CASTOR2: variants seen among roughly 807,000 people sequenced by gnomAD.
CASTOR2 encodes the protein cytosolic arginine sensor for mTORC1 subunit 2, also known as GATS protein like 2.
CASTOR2 carries 8 observed loss-of-function variants against 31.2 expected under a neutral mutation model. The observed-to-expected ratio is 0.26, with a 90% confidence interval of 0.15 to 0.46. CASTOR2 has a LOEUF of 0.46. Among genes scored for constraint, CASTOR2 ranks in the 20% least tolerant of loss-of-function variants. The pLI is 0.99. For missense variants in CASTOR2, 216 were observed against 382.1 expected (o/e 0.57, Z 3.62); for synonymous variants, 162 against 158.7 (o/e 1.02, Z -0.16).
intron 2 of CASTOR2, among the ~76,000 whole-genome samples, chr7:75,011,227 G>A (rs1248863329): frequency 2.7e-5 from 4 of 150,668 alleles, no homozygotes; most frequent in African/African-American, 7.3e-5. Flanking sequence ...TCAGGAGTTC[G>A]AGACAAGCCT....
chr7:75,011,339 GAA>G (rs1804738406), intron 2 of CASTOR2, among the ~76,000 whole-genome samples: 1 of 149,396 alleles, frequency 6.7e-6, no homozygotes, highest in Non-Finnish European at 1.5e-5. Context: ...TGAGGAAGGA[GAA>G]TCACCTGAAC....
At position 75,029,340 on chromosome 7, in the gene CASTOR2, C is replaced by G. The variant is rs1456415354; in HGVS notation, c.*4641C>G. Among the ~76,000 whole-genome samples the G allele has an allele frequency of 6.6e-6, 1 of 151,560 alleles. No homozygotes were observed. Among genetic ancestry groups the G allele is most frequent in the Non-Finnish European group, 1.5e-5 (1 of 67,944 alleles). ...AGAGGGGGCTTTAGGGCAAGAGCACCTCAGCCCTGCAATGGGGGGATCTTT... is the reference window on the plus strand; with the variant it reads ...AGAGGGGGCTTTAGGGCAAGAGCACGTCAGCCCTGCAATGGGGGGATCTTT... On this transcript the variant is annotated 3_prime_UTR_variant, in exon 9 of 9. Coordinates refer to ENST00000616305, the MANE Select transcript of CASTOR2 (RefSeq NM_001145064.3).
intron 1 of CASTOR2, among the ~76,000 whole-genome samples, chr7:74,976,531 T>TCTCCTCCTC (rs369879917): frequency 4.6e-4 from 55 of 118,898 alleles, no homozygotes; most frequent in Middle Eastern, 4.3e-3. Context: ...TGAGACCCTG[T>TCTCCTCCTC]CTCCTCCTCC....
At chr7:74,987,762 G>A (rs1804106130) in intron 1 of CASTOR2, among the ~76,000 whole-genome samples, 1 of 151,854 alleles carries the variant, frequency 6.6e-6, no homozygotes, top group South Asian at 2.1e-4. Flanking sequence ...AGGCTGGAGT[G>A]CAGTGGCGTG....
chr7:74,986,452 T>C (rs1377943570), intron 1 of CASTOR2, among the ~76,000 whole-genome samples: 1 of 145,258 alleles, frequency 6.9e-6, no homozygotes, highest in East Asian at 2.0e-4. Context: ...ATCGTGCCAC[T>C]GCACTCCAGC....
At chr7:74,973,819 G>C (rs1485240904) in intron 1 of CASTOR2, among the ~76,000 whole-genome samples, 1 of 1,438 alleles carries the variant, frequency 7.0e-4, no homozygotes, top group Non-Finnish European at 1.5e-3. Flanking sequence ...CTGCAAGCCA[G>C]TAAGGCTTCC....
chr7:74,992,824 G>C (rs1214388056), intron 1 of CASTOR2, among the ~76,000 whole-genome samples: 3 of 148,106 alleles, frequency 2.0e-5, no homozygotes, highest in African/African-American at 7.4e-5. Context: ...GATTGCTTGA[G>C]CCCAGGAGTG....
intron 1 of CASTOR2, among the ~76,000 whole-genome samples, chr7:74,993,662 GCTGGTCTCGAACTC>G (rs1462272514): frequency 1.3e-5 from 2 of 151,558 alleles, no homozygotes; most frequent in African/African-American, 4.8e-5. Flanking sequence ...TGTTGCCCAG[GCTGGTCTCGAACTC>G]CTGGTCTCAA....
Position 75,031,005 on chromosome 7 carries a change from G to A in CASTOR2, c.*6306G>A, listed in dbSNP as rs994171925. Among the ~76,000 whole-genome samples, 3 of 152,248 alleles carry A rather than the reference G, an allele frequency of 2.0e-5. No homozygotes were observed. Among genetic ancestry groups the A allele is most frequent in the Non-Finnish European group, 4.4e-5 (3 of 68,046 alleles). On this transcript the variant is annotated 3_prime_UTR_variant, in exon 9 of 9. Coordinates refer to ENST00000616305, the MANE Select transcript of CASTOR2 (RefSeq NM_001145064.3). ...ACAGCAGGCCAAGTTCAGGTCCCAA[G>A]ACAGGCCAAGGCCAGTGCGGTTTCC...
intron 7 of CASTOR2, among the ~76,000 whole-genome samples, chr7:75,023,952 G>A (rs902755855): frequency 6.6e-6 from 1 of 152,284 alleles, no homozygotes; most frequent in Non-Finnish European, 1.5e-5. Flanking sequence ...ACCAGAGAAG[G>A]CTCCTGGTTG....
intron 7 of CASTOR2, among the ~76,000 whole-genome samples, chr7:75,024,174 C>T (rs1563065684): frequency 6.6e-6 from 1 of 152,138 alleles, no homozygotes; most frequent in Non-Finnish European, 1.5e-5. Context: ...CCTATAATCC[C>T]AGCTATTTGG....
chr7:75,012,625 ATTTTTTG>A (rs1158423352), intron 2 of CASTOR2, among the ~76,000 whole-genome samples: 7 of 137,140 alleles, frequency 5.1e-5, no homozygotes, highest in Non-Finnish European at 9.5e-5. Context: ...AGTTTTTGGG[ATTTTTTG>A]TTTTTTGTTT....
chr7:74,989,429 G>A (rs1426853855), intron 1 of CASTOR2, among the ~76,000 whole-genome samples: 3 of 148,372 alleles, frequency 2.0e-5, no homozygotes, highest in African/African-American at 7.5e-5. Flanking sequence ...GGTAATTTTT[G>A]TTTTGTTTTT....
rs988072601 is a variant in CASTOR2, at chr7:75,031,328, C to A, written c.*6629C>A. Among the ~76,000 whole-genome samples, 1 of 152,120 alleles carries A rather than the reference C, an allele frequency of 6.6e-6. No individual in the cohort carries two copies. The highest frequency in any genetic ancestry group is 2.4e-5 in the African/African-American group (1 of 41,418). ...CAGCAGCAGCGGCGTTCCATCGCTC[C>A]CAAGATCTGGGTGAAGGGGAGAACC... On this transcript the variant is annotated 3_prime_UTR_variant, in exon 9 of 9. Coordinates refer to ENST00000616305, the MANE Select transcript of CASTOR2 (RefSeq NM_001145064.3).
In CASTOR2 at chr7:75,029,033, G is replaced by C. The variant is rs1333781546; in HGVS notation, c.*4334G>C. 6.6e-6 allele frequency among the ~76,000 whole-genome samples: 1 copy of C among 152,266 alleles called. No homozygotes were observed. The highest frequency in any genetic ancestry group is 1.5e-5 in the Non-Finnish European group (1 of 68,052). Reference sequence around the variant, plus strand: ...CCAGGGTGACATTTGTTCAGCAGGAGGAGGCTTGGTCTGGAGGGGCTTGCC... The same window carrying C: ...CCAGGGTGACATTTGTTCAGCAGGACGAGGCTTGGTCTGGAGGGGCTTGCC... On this transcript the variant is annotated 3_prime_UTR_variant, in exon 9 of 9. Transcript: ENST00000616305.
chr7:75,023,725 C>A (rs1408443922), intron 7 of CASTOR2, among the ~76,000 whole-genome samples: 1 of 152,066 alleles, frequency 6.6e-6, no homozygotes, highest in Non-Finnish European at 1.5e-5. Flanking sequence ...CAGGCGTGAG[C>A]CACCACTCCC....
At chr7:74,984,470 A>G (rs1347731385) in intron 1 of CASTOR2, among the ~76,000 whole-genome samples, 1 of 152,122 alleles carries the variant, frequency 6.6e-6, no homozygotes, top group Non-Finnish European at 1.5e-5. Context: ...CCTGCCAACC[A>G]TGGTTGCCTG....
chr7:74,982,438 C>T (rs1267059722), intron 1 of CASTOR2, among the ~76,000 whole-genome samples: 9 of 151,818 alleles, frequency 5.9e-5, no homozygotes, highest in African/African-American at 2.2e-4. Context: ...GGTGAATTTC[C>T]TGGGTGACTC....
At chr7:75,008,632 G>C (rs1423790464) in intron 2 of CASTOR2, among the ~76,000 whole-genome samples, 1 of 152,146 alleles carries the variant, frequency 6.6e-6, no homozygotes, top group Non-Finnish European at 1.5e-5. Flanking sequence ...GGAGTTGGAG[G>C]CTGCAGTGAG....
Sources: allele counts gnomAD v4.1 joint callset (sites outside exome capture counted in the v4.1 genomes callset), GRCh38; gene constraint gnomAD v4.1.1; transcripts MANE v1.5; gene names NCBI Gene and HGNC (gene_info 2026-07-23, HGNC 2026-07-21).